Variants in LRTM1 observed in about 807,000 individuals in gnomAD.
LRTM1 encodes leucine rich repeat transmembrane protein 1.
Under a neutral mutation model 32.4 loss-of-function variants are expected in LRTM1, and 38 were observed. The observed-to-expected ratio is 1.17, with a 90% confidence interval of 0.91 to 1.54. LRTM1 has a LOEUF of 1.54. Ranked by LOEUF, LRTM1 falls within the 40% of genes most tolerant of loss-of-function variation. The probability of loss-of-function intolerance (pLI) is 0.00; values close to 1 mark genes in which losing one functional copy is unlikely to be tolerated. For missense variants in LRTM1, 466 were observed against 415.4 expected (o/e 1.12, Z -1.06); for synonymous variants, 186 against 169.9 (o/e 1.09, Z -0.74).
intron 1 of LRTM1, among the ~76,000 whole-genome samples, chr3:54,940,863 C>T (rs1701448392): frequency 6.6e-6 from 1 of 152,082 alleles, no homozygotes; most frequent in South Asian, 2.1e-4. Flanking sequence ...GTTCACCTCC[C>T]TAGCAGGGAG....
intron 1 of LRTM1, among the ~76,000 whole-genome samples, chr3:54,960,808 A>G (rs1702013803): frequency 6.6e-6 from 1 of 152,166 alleles, no homozygotes; most frequent in African/African-American, 2.4e-5. Flanking sequence ...TAACATCTTC[A>G]CATGAAATAT....
chr3:54,941,576 C>G (rs1244412815), intron 1 of LRTM1, among the ~76,000 whole-genome samples: 1 of 152,174 alleles, frequency 6.6e-6, no homozygotes, highest in Non-Finnish European at 1.5e-5. Flanking sequence ...TTTTCAATAT[C>G]TATCATTGCT....
upstream of LRTM1, among the ~76,000 whole-genome samples, chr3:54,932,940 A>G (rs530592531): frequency 9.2e-5 from 14 of 152,226 alleles, no homozygotes; most frequent in Non-Finnish European, 1.6e-4. Flanking sequence ...GCATGTGGAT[A>G]ATAGTGAAAA....
At chr3:54,945,018 C>T (rs976222909) in intron 1 of LRTM1, among the ~76,000 whole-genome samples, 1 of 152,138 alleles carries the variant, frequency 6.6e-6, no homozygotes, top group Admixed American at 6.5e-5. Flanking sequence ...TCAATGAAAA[C>T]TTAGCCAAAC....
upstream of LRTM1, chr3:54,928,220 A>T (rs1701083487): frequency 2.4e-6 from 1 of 419,480 alleles, no homozygotes; most frequent in African/African-American, 2.0e-5. Context: ...TCAGACGATG[A>T]GCCGCGTAAA....
intron 1 of LRTM1, among the ~76,000 whole-genome samples, chr3:54,957,535 A>G (rs938835601): frequency 2.0e-5 from 3 of 152,198 alleles, no homozygotes; most frequent in African/African-American, 7.2e-5. Context: ...TAAATAATTT[A>G]CTTGGAAGCC....
chr3:54,946,665 G>A (rs998261811), intron 1 of LRTM1, among the ~76,000 whole-genome samples: 1 of 152,046 alleles, frequency 6.6e-6, no homozygotes, highest in Non-Finnish European at 1.5e-5. Context: ...TGCAAACCTG[G>A]GGGGAGCTAG....
At chr3:54,920,424 T>C (rs1388077820) in intron 2 of LRTM1, among the ~76,000 whole-genome samples, 1 of 152,166 alleles carries the variant, frequency 6.6e-6, no homozygotes, top group African/African-American at 2.4e-5. Context: ...CCAGAGTGTC[T>C]TGGGTTCCTC....
intron 1 of LRTM1, among the ~76,000 whole-genome samples, chr3:54,942,289 A>G (rs1016786778): frequency 6.6e-6 from 1 of 152,188 alleles, no homozygotes; most frequent in Non-Finnish European, 1.5e-5. Flanking sequence ...GCAGTCAGTC[A>G]AAGCTCAAAG....
intron 1 of LRTM1, among the ~76,000 whole-genome samples, chr3:54,964,403 A>G (rs1311033028): frequency 7.8e-6 from 1 of 127,664 alleles, no homozygotes; most frequent in African/African-American, 2.5e-5. Context: ...AACCCCAGGA[A>G]TGGTGATTTT....
intron 1 of LRTM1, among the ~76,000 whole-genome samples, chr3:54,963,047 A>G (rs1702068641): frequency 6.6e-6 from 1 of 152,224 alleles, no homozygotes; most frequent in Non-Finnish European, 1.5e-5. Context: ...GCATGATTTC[A>G]TCTTGAATGC....
chr3:54,936,973 A>G (rs545111357), intron 1 of LRTM1, among the ~76,000 whole-genome samples: 26 of 152,094 alleles, frequency 1.7e-4, no homozygotes, highest in Admixed American at 6.5e-4. Context: ...AGTTGCTCCC[A>G]CCATGAAGGC....
chr3:54,924,473 G>A, intron 2 of LRTM1, 146 bp downstream of exon 2: 2 of 655,712 alleles, frequency 3.1e-6, no homozygotes, highest in South Asian at 2.2e-5. Flanking sequence ...TGACTCTTTT[G>A]CCATACCGTG....
chr3:54,943,218 T>A (rs370880819), intron 1 of LRTM1, among the ~76,000 whole-genome samples: 9 of 133,938 alleles, frequency 6.7e-5, no homozygotes, highest in African/African-American at 1.1e-4. Flanking sequence ...AAAAAAAAAA[T>A]GAGAATAATA....
chr3:54,931,023 G>A (rs1459212110), upstream of LRTM1, among the ~76,000 whole-genome samples: 1 of 152,192 alleles, frequency 6.6e-6, no homozygotes, highest in Non-Finnish European at 1.5e-5. Context: ...TTGAACCCAG[G>A]AGGCAGAGGT....
At chr3:54,954,133 A>G (rs1701824406) in intron 1 of LRTM1, among the ~76,000 whole-genome samples, 1 of 152,118 alleles carries the variant, frequency 6.6e-6, no homozygotes, top group African/African-American at 2.4e-5. Flanking sequence ...GGGTTATTTA[A>G]TCATGTCATC....
At chr3:54,963,139 T>C (rs1440852292) in intron 1 of LRTM1, among the ~76,000 whole-genome samples, 1 of 152,218 alleles carries the variant, frequency 6.6e-6, no homozygotes, top group African/African-American at 2.4e-5. Flanking sequence ...AGGGTGGTTG[T>C]TGCATTGATT....
chr3:54,921,643 G>A (rs569124464), intron 2 of LRTM1, among the ~76,000 whole-genome samples: 126 of 152,136 alleles, frequency 8.3e-4, no homozygotes, highest in Non-Finnish European at 1.5e-3. Context: ...CCACCTCCAG[G>A]CCATAAAGCC....
chr3:54,959,411 C>T (rs1701979203), intron 1 of LRTM1, among the ~76,000 whole-genome samples: 1 of 152,188 alleles, frequency 6.6e-6, no homozygotes, highest in East Asian at 1.9e-4. Context: ...TTGCAGGCAT[C>T]CCTCCAGCTC....
Sources: allele counts gnomAD v4.1 joint callset (sites outside exome capture counted in the v4.1 genomes callset), GRCh38; gene constraint gnomAD v4.1.1; transcripts MANE v1.5; gene names NCBI Gene and HGNC (gene_info 2026-07-23, HGNC 2026-07-21).